The following ASCC3 variants were observed in gnomAD, a reference collection of about 807,000 sequenced individuals.
ASCC3 encodes ASC-1 complex subunit P200.
ASCC3 carries 158 observed loss-of-function variants against 256.3 expected under a neutral mutation model. The observed-to-expected ratio is 0.62, with a 90% CI of 0.54 to 0.70. The LOEUF (loss-of-function observed/expected upper bound fraction) is 0.70. ASCC3 is among the 30% of genes least tolerant of loss of function. The pLI, the probability that ASCC3 is intolerant of heterozygous loss-of-function variation, is 0.00. For synonymous variants in ASCC3, 948 were observed against 883.4 expected (o/e 1.07, Z -1.30); for missense variants, 2,259 against 2,626.0 (o/e 0.86, Z 3.05).
At chr6:100,613,919 A>AT (rs1773533650) in intron 30 of ASCC3, among the ~76,000 whole-genome samples, 3 of 151,996 alleles carry the variant, frequency 2.0e-5, no homozygotes, top group Non-Finnish European at 4.4e-5. Flanking sequence ...AATGGTGAGC[A>AT]TTTTTTCATA....
intron 30 of ASCC3, among the ~76,000 whole-genome samples, chr6:100,614,061 T>G (rs940270480): frequency 6.6e-6 from 1 of 152,160 alleles, no homozygotes; most frequent in Non-Finnish European, 1.5e-5. Context: ...TTATTCATGT[T>G]TTTAATTTAA....
intron 10 of ASCC3, among the ~76,000 whole-genome samples, chr6:100,745,313 C>A (rs566307848): frequency 1.3e-5 from 2 of 149,708 alleles, no homozygotes; most frequent in Admixed American, 6.7e-5. Context: ...GGTGACAGAG[C>A]GAGACTCCAT....
chr6:100,625,994 AATGGGAC>A (rs1487428978), intron 29 of ASCC3, among the ~76,000 whole-genome samples: 3 of 152,032 alleles, frequency 2.0e-5, no homozygotes, highest in Non-Finnish European at 4.4e-5. Flanking sequence ...GTATCTGAGT[AATGGGAC>A]ATGGTAGTCA....
intron 29 of ASCC3, among the ~76,000 whole-genome samples, chr6:100,625,581 G>A (rs1012728101): frequency 1.3e-5 from 2 of 152,150 alleles, no homozygotes; most frequent in Middle Eastern, 3.4e-3. Context: ...CTGGGTCCAA[G>A]TTCTATTCTG....
intron 25 of ASCC3, among the ~76,000 whole-genome samples, chr6:100,634,791 CAGG>C (rs1002218683): frequency 6.9e-6 from 1 of 145,964 alleles, no homozygotes; most frequent in Non-Finnish European, 1.5e-5. Context: ...GAGGCTGAGG[CAGG>C]AGGATTGCTT....
rs773128361 is a variant in ASCC3, at chr6:100,673,560, A to C, written c.2286+6058T>G. Among the ~76,000 whole-genome samples, 3 of 152,190 alleles carry C rather than the reference A, an allele frequency of 2.0e-5. No homozygotes were observed. In the South Asian group the frequency reaches 6.2e-4, roughly 31 times the overall value. Reference sequence around the variant, plus strand: ...TAGCTACAATCAAAATTTCCTTAAAAGGAATAACAAAAGAAACAAGGATAA... The same window carrying C: ...TAGCTACAATCAAAATTTCCTTAAACGGAATAACAAAAGAAACAAGGATAA... On this transcript the variant is annotated intron_variant, in intron 14 of 41. Coordinates refer to ENST00000369162, the MANE Select transcript of ASCC3 (RefSeq NM_006828.4).
chr6:100,590,142 A>G, intron 34 of ASCC3, 83 bp from the exon 35 acceptor site: 1 of 901,212 alleles, frequency 1.1e-6, no homozygotes, highest in Non-Finnish European at 1.8e-6. Flanking sequence ...GAATATATAT[A>G]AATATAATCC....
chr6:100,650,911 AC>A (rs1184313947), intron 19 of ASCC3, among the ~76,000 whole-genome samples, 197 bp from the exon 20 acceptor site: 27 of 151,986 alleles, frequency 1.8e-4, no homozygotes, highest in Admixed American at 1.2e-3. Context: ...TGAGGCTGAT[AC>A]AATTACATTT....
chr6:100,723,130 G>C (rs962855523), intron 11 of ASCC3, among the ~76,000 whole-genome samples: 3 of 151,466 alleles, frequency 2.0e-5, no homozygotes, highest in Non-Finnish European at 4.4e-5. Context: ...GTCTCATACT[G>C]ATTCATATTC....
chr6:100,618,961 T>C lies in ASCC3; in HGVS notation c.4785+6231A>G, dbSNP rs192929097. ...AATAGGATGATGCCATTGAATGCAC[T>C]GGTCTTATTATGTTCTCATTAATAG... On this transcript the variant is annotated intron_variant, in intron 30 of 41. Transcript: ENST00000369162. 2.0e-5 allele frequency among the ~76,000 whole-genome samples: 3 copies of C among 152,318 alleles called. No homozygotes were observed. In the East Asian group the frequency reaches 5.8e-4, roughly 29 times the overall value.
In ASCC3 at chr6:100,545,371, T is replaced by C. The variant is rs994964428; in HGVS notation, c.5551-4984A>G. ...TTTTTCATTTTTAGTAGAGACGGGGTTTCACCCTGTTAGCTAGGATGGTCT... is the reference window on the plus strand; with the variant it reads ...TTTTTCATTTTTAGTAGAGACGGGGCTTCACCCTGTTAGCTAGGATGGTCT... On this transcript the variant is annotated intron_variant, in intron 36 of 41. Coordinates refer to ENST00000369162, the MANE Select transcript of ASCC3 (RefSeq NM_006828.4). Among the ~76,000 whole-genome samples the C allele has an allele frequency of 7.9e-5, 12 of 152,034 alleles. 1 individual carries two copies. The highest frequency in any genetic ancestry group is 2.7e-4 in the African/African-American group (11 of 41,386).
chr6:100,869,141 A>G (rs1773619451), intron 1 of ASCC3, among the ~76,000 whole-genome samples: 1 of 152,216 alleles, frequency 6.6e-6, no homozygotes, highest in Admixed American at 6.5e-5. Context: ...TTTGGGTGTC[A>G]CAACTATCAG....
chr6:100,778,567 T>G (rs1582850160), intron 8 of ASCC3, among the ~76,000 whole-genome samples: 1 of 152,258 alleles, frequency 6.6e-6, no homozygotes, highest in South Asian at 2.1e-4. Flanking sequence ...GTCAATGGAA[T>G]TTTGTAATAT....
chr6:100,742,579 C>T (rs1032042359), intron 10 of ASCC3, among the ~76,000 whole-genome samples: 2 of 152,124 alleles, frequency 1.3e-5, no homozygotes, highest in East Asian at 3.9e-4. Context: ...TGGCTGAAGC[C>T]CCCACAGGGA....
intron 16 of ASCC3, among the ~76,000 whole-genome samples, chr6:100,659,566 A>C (rs1034409443): frequency 1.3e-5 from 2 of 151,484 alleles, no homozygotes; most frequent in African/African-American, 4.8e-5. Context: ...TTTAATAAGT[A>C]CTTTATAAAT....
At chr6:100,734,540 T>G (rs1400957446) in intron 10 of ASCC3, among the ~76,000 whole-genome samples, 1 of 152,182 alleles carries the variant, frequency 6.6e-6, no homozygotes, top group East Asian at 1.9e-4. Flanking sequence ...AAATGGAGAT[T>G]AAAACGGTAC....
chr6:100,868,921 A>G (rs756456114), intron 1 of ASCC3, among the ~76,000 whole-genome samples: 6 of 152,206 alleles, frequency 3.9e-5, no homozygotes, highest in Non-Finnish European at 5.9e-5. Context: ...AAAAAGATTA[A>G]TAATATTTAC....
intron 33 of ASCC3, among the ~76,000 whole-genome samples, chr6:100,603,093 G>A (rs1435086228): frequency 2.6e-5 from 4 of 151,454 alleles, no homozygotes; most frequent in African/African-American, 9.7e-5. Context: ...TGTGAGAATA[G>A]GAAAGAAAAT....
intron 10 of ASCC3, among the ~76,000 whole-genome samples, chr6:100,731,051 C>A (rs777185045): frequency 6.6e-6 from 1 of 151,334 alleles, no homozygotes; most frequent in Non-Finnish European, 1.5e-5. Flanking sequence ...AAATGTATCT[C>A]GGTATTTTCA....
Sources: gnomAD v4.1 joint callset for allele counts (sites outside exome capture counted in the v4.1 genomes callset) on GRCh38, gnomAD v4.1.1 for gene constraint, MANE v1.5 for transcripts, NCBI Gene and HGNC (gene_info 2026-07-23, HGNC 2026-07-21) for gene names.